The following DNAJB14 variants were observed in gnomAD, a reference collection of about 807,000 sequenced individuals.
DNAJB14 encodes the protein dnaJ homolog subfamily B member 14.
DNAJB14 carries 22 observed loss-of-function variants against 48.4 expected under a neutral mutation model. That is an observed-to-expected ratio of 0.45 (90% CI 0.32 to 0.65). DNAJB14 has a LOEUF of 0.65. Among genes scored for constraint, DNAJB14 ranks in the 30% least tolerant of loss-of-function variants. The pLI is 0.03. For missense variants in DNAJB14, 319 were observed against 458.8 expected (o/e 0.70, Z 2.78); for synonymous variants, 142 against 158.7 (o/e 0.89, Z 0.79).
chr4:99,940,323 T>C (rs1041111276), intron 1 of DNAJB14, among the ~76,000 whole-genome samples: 2 of 152,214 alleles, frequency 1.3e-5, no homozygotes, highest in African/African-American at 2.4e-5. Flanking sequence ...CCAGGCGTGG[T>C]GGCTCATGCT....
At chr4:99,921,629 A>G (rs1477595999) in intron 3 of DNAJB14, among the ~76,000 whole-genome samples, 1 of 152,214 alleles carries the variant, frequency 6.6e-6, no homozygotes, top group Admixed American at 6.5e-5. Flanking sequence ...TAAAACTCAA[A>G]AAATTTTAAA....
At chr4:99,913,621 G>GTTTTTTTT (rs372025043) in intron 3 of DNAJB14, among the ~76,000 whole-genome samples, 8 of 107,618 alleles carry the variant, frequency 7.4e-5, no homozygotes, top group Middle Eastern at 6.3e-3. Context: ...CTGGTCTGTA[G>GTTTTTTTT]TTTTTTTTTT....
At chr4:99,927,513 A>G (rs1726299763) in intron 2 of DNAJB14, 1 of 152,210 alleles carries the variant, frequency 6.6e-6, no homozygotes, top group African/African-American at 2.4e-5. Context: ...ATGATACTCC[A>G]GTTAATAATT....
At chr4:99,919,741 TGGG>T (rs1725987736) in intron 3 of DNAJB14, among the ~76,000 whole-genome samples, 1 of 152,218 alleles carries the variant, frequency 6.6e-6, no homozygotes. Flanking sequence ...TATTAATGTT[TGGG>T]GTTTTCAGTT....
chr4:99,912,047 T>C (rs1387113697), intron 3 of DNAJB14, among the ~76,000 whole-genome samples: 1 of 152,206 alleles, frequency 6.6e-6, no homozygotes, highest in Non-Finnish European at 1.5e-5. Flanking sequence ...GTTCATTTTG[T>C]GTATAAGGGA....
intron 1 of DNAJB14, among the ~76,000 whole-genome samples, chr4:99,933,320 T>C (rs1726550304): frequency 6.8e-6 from 1 of 147,000 alleles, no homozygotes; most frequent in South Asian, 2.2e-4. Flanking sequence ...TTTTTTTTTT[T>C]TTTTTTGAGA....
chr4:99,944,200 C>T (rs1726983892), intron 1 of DNAJB14, among the ~76,000 whole-genome samples: 1 of 152,140 alleles, frequency 6.6e-6, no homozygotes, highest in Non-Finnish European at 1.5e-5. Context: ...TGAGATATCA[C>T]CTCCCACTCA....
chr4:99,906,391 T>C (rs963539356), intron 5 of DNAJB14, 126 bp downstream of exon 5: 42 of 1,037,470 alleles, frequency 4.0e-5, no homozygotes, highest in Admixed American at 9.7e-5. Flanking sequence ...TTCTAGTCTC[T>C]ACCAAACACC....
chr4:99,934,789 C>CAAA lies in DNAJB14; in HGVS notation c.134-4171_134-4169dup, dbSNP rs1167945149. Among the ~76,000 whole-genome samples the CAAA allele has an allele frequency of 4.6e-3, 31 of 6,780 alleles. 2 individuals are homozygous for CAAA. Among genetic ancestry groups the CAAA allele is most frequent in the African/African-American group, 5.6e-3 (9 of 1,612 alleles). 4.4% of individuals were successfully genotyped at this position (6,780 alleles called of 152,430 possible). A position where few individuals can be genotyped will look rare whatever the true frequency, so the allele number is the denominator to read the frequency against. On this transcript the variant is annotated intron_variant, in intron 1 of 7. Transcript: ENST00000442697. ...CCTGGGTGACAGAGCAAGACTGTCT[C>CAAA]AAAAAAAAAAAAAAAAAAAAAAAAA...
chr4:99,911,528 C>T (rs1180237679), intron 3 of DNAJB14, among the ~76,000 whole-genome samples: 1 of 149,212 alleles, frequency 6.7e-6, no homozygotes, highest in African/African-American at 2.5e-5. Flanking sequence ...TGATCCATTC[C>T]CTGCATCCAT....
At chr4:99,907,885 C>T (rs1466014538) in intron 4 of DNAJB14, among the ~76,000 whole-genome samples, 1 of 152,116 alleles carries the variant, frequency 6.6e-6, no homozygotes, top group South Asian at 2.1e-4. Context: ...TAGATTTCCA[C>T]AATAACAACT....
At chr4:99,938,799 A>C (rs186802541) in intron 1 of DNAJB14, among the ~76,000 whole-genome samples, 128 of 152,310 alleles carry the variant, frequency 8.4e-4, no homozygotes, top group Non-Finnish European at 1.1e-3. Flanking sequence ...ATGTACTAAT[A>C]TAAAGGGGCT....
In DNAJB14 at chr4:99,930,435, C is replaced by A; in HGVS notation, c.305+15G>T. On this transcript the variant is annotated intron_variant, in intron 2 of 7. Transcript: ENST00000442697. ...TACCAATTATGATTGAGATGTAAAC[C>A]ATATTTATTCCTACCTGAGAACTCC... 1 of 1,564,044 alleles carries A rather than the reference C, an allele frequency of 6.4e-7. No individual in the cohort carries two copies. The highest frequency in any genetic ancestry group is 1.2e-5 in the South Asian group (1 of 82,104).
intron 1 of DNAJB14, among the ~76,000 whole-genome samples, chr4:99,934,903 A>G (rs1726617587): frequency 6.7e-6 from 1 of 150,138 alleles, no homozygotes; most frequent in African/African-American, 2.5e-5. Flanking sequence ...TTAAAAAAAG[A>G]CTAAACTAGA....
chr4:99,932,717 A>C (rs1048976249), intron 1 of DNAJB14, among the ~76,000 whole-genome samples: 1 of 152,212 alleles, frequency 6.6e-6, no homozygotes, highest in Non-Finnish European at 1.5e-5. Context: ...ATTATTCACA[A>C]TGGCAAAAAG....
chr4:99,926,639 C>T (rs1036679113), intron 2 of DNAJB14: 1 of 151,912 alleles, frequency 6.6e-6, no homozygotes. Flanking sequence ...AGCACAAAAG[C>T]CTGGTCAACT....
At chr4:99,915,286 C>T (rs755634948) in intron 3 of DNAJB14, among the ~76,000 whole-genome samples, 18 of 151,984 alleles carry the variant, frequency 1.2e-4, no homozygotes, top group Non-Finnish European at 1.5e-4. Flanking sequence ...CACAGGCGCC[C>T]GCCACCACGC....
chr4:99,899,253 AT>A lies in DNAJB14; in HGVS notation c.*1774del, dbSNP rs1029848685. ...AAAATTAGAAAAATAAATAGATGAA[AT>A]TTTTTTCATTCAAATTTTCATAAAT... is the stretch of plus-strand genomic sequence containing the variant. On this transcript the variant is annotated 3_prime_UTR_variant, in exon 8 of 8. Coordinates refer to ENST00000442697, the MANE Select transcript of DNAJB14 (RefSeq NM_001031723.4). The A allele has an allele frequency of 6.6e-6, 1 of 151,782 alleles. No homozygotes were observed. Among genetic ancestry groups the A allele is most frequent in the Non-Finnish European group, 1.5e-5 (1 of 67,784 alleles). 9.4% of individuals were successfully genotyped at this position (151,782 alleles called of 1,614,324 possible). A position where few individuals can be genotyped will look rare whatever the true frequency, so the allele number is the denominator to read the frequency against.
intron 5 of DNAJB14, chr4:99,905,945 T>C: frequency 7.5e-7 from 1 of 1,329,550 alleles, no homozygotes; most frequent in Non-Finnish European, 9.7e-7. Context: ...GATGAGGAAG[T>C]CTTCATTTCT....
Sources: allele counts gnomAD v4.1 joint callset (sites outside exome capture counted in the v4.1 genomes callset), GRCh38; gene constraint gnomAD v4.1.1; transcripts MANE v1.5; gene names NCBI Gene and HGNC (gene_info 2026-07-23, HGNC 2026-07-21).